The following GSG1L variants were observed in gnomAD, a reference collection of about 807,000 sequenced individuals.
The protein encoded by GSG1L is germ cell-specific gene 1-like protein.
In GSG1L, 24 loss-of-function variants were observed where a neutral mutation model predicts 42.1. The ratio of observed to expected loss-of-function variants is 0.57; its 90% CI spans 0.41 to 0.80. The LOEUF is 0.80. GSG1L is among the 30% of genes least tolerant of loss of function. The probability of loss-of-function intolerance (pLI) is 0.00; values close to 1 mark genes in which losing one functional copy is unlikely to be tolerated. For missense variants in GSG1L, 445 were observed against 472.2 expected (o/e 0.94, Z 0.53); for synonymous variants, 215 against 203.5 (o/e 1.06, Z -0.48).
chr16:27,888,838 G>A (rs1413744599), intron 2 of GSG1L, among the ~76,000 whole-genome samples: 3 of 151,472 alleles, frequency 2.0e-5, no homozygotes, highest in East Asian at 1.9e-4. Flanking sequence ...GGCTTGTCTC[G>A]AACTCCTGAC....
intron 1 of GSG1L, among the ~76,000 whole-genome samples, chr16:27,964,844 T>A (rs908169901): frequency 6.6e-6 from 1 of 152,028 alleles, no homozygotes; most frequent in South Asian, 2.1e-4. Context: ...TTAGAAAGAA[T>A]GAATAAGACC....
chr16:27,856,208 A>G (rs1163013159), intron 3 of GSG1L, among the ~76,000 whole-genome samples: 2 of 152,280 alleles, frequency 1.3e-5, no homozygotes, highest in Admixed American at 6.5e-5. Context: ...AAATGTTTCC[A>G]AACATTGGCC....
At chr16:27,885,963 A>C (rs1222659030) in intron 2 of GSG1L, among the ~76,000 whole-genome samples, 4 of 152,172 alleles carry the variant, frequency 2.6e-5, no homozygotes, top group Non-Finnish European at 5.9e-5. Context: ...TATTATAATG[A>C]TTCCTGCATG....
chr16:27,797,305 T>C (rs12448720), intron 6 of GSG1L, among the ~76,000 whole-genome samples: 26,394 of 151,056 alleles, frequency 0.17, 2,290 homozygotes, highest in African/African-American at 0.23. Context: ...GGTGGATTAC[T>C]TGAGGTCAGG....
rs183745843 is a variant in GSG1L at position 28,029,903 on chromosome 16, G to A, written c.349+33173C>T. ...GTGTGCATGCACGCACATGTGGGCC[G>A]TGTGTGTTCACGCACGCACATGTGG... On this transcript the variant is annotated intron_variant, in intron 1 of 6. Coordinates refer to ENST00000447459, the MANE Select transcript of GSG1L (RefSeq NM_001109763.2). Among the ~76,000 whole-genome samples the A allele has an allele frequency of 9.9e-5, 15 of 152,232 alleles. No homozygotes were observed. In the East Asian group the frequency reaches 1.4e-3, roughly 14 times the overall value.
chr16:27,956,954 T>G lies in GSG1L; in HGVS notation c.397+6202A>C, dbSNP rs1234935116. Among the ~76,000 whole-genome samples the G allele has an allele frequency of 2.0e-5, 3 of 152,240 alleles. No individual in the cohort carries two copies. In the East Asian group the frequency reaches 5.8e-4, roughly 29 times the overall value. On this transcript the variant is annotated intron_variant, in intron 2 of 6. Transcript: ENST00000447459. Reference sequence around the variant, plus strand: ...TCACAGTTATTTGGTAGGAGACTCTTGCCCTAGTGAATAAATGACTGAGGT... The same window carrying G: ...TCACAGTTATTTGGTAGGAGACTCTGGCCCTAGTGAATAAATGACTGAGGT...
chr16:28,031,238 GATGGGGTGGGATAAGATGGA>G, intron 1 of GSG1L, among the ~76,000 whole-genome samples: 1 of 131,308 alleles, frequency 7.6e-6, no homozygotes, highest in Admixed American at 7.5e-5. Context: ...GATGGGATGG[GATGGGGTGGGATAAGATGGA>G]ATGGGATGGG....
intron 2 of GSG1L, among the ~76,000 whole-genome samples, chr16:27,893,194 T>C (rs767916917): frequency 8.5e-5 from 13 of 152,232 alleles, no homozygotes; most frequent in Non-Finnish European, 1.8e-4. Context: ...AGTTGACAAC[T>C]GATCCTGTTA....
intron 4 of GSG1L, among the ~76,000 whole-genome samples, chr16:27,830,584 A>T (rs1238430018): frequency 2.6e-5 from 4 of 152,142 alleles, no homozygotes; most frequent in Non-Finnish European, 5.9e-5. Flanking sequence ...AGAAGCCCTG[A>T]CTGTCTGTAA....
At chr16:27,994,150 G>C (rs1030402257) in intron 1 of GSG1L, among the ~76,000 whole-genome samples, 2 of 152,152 alleles carry the variant, frequency 1.3e-5, no homozygotes, top group Non-Finnish European at 2.9e-5. Context: ...CCACAGGAGA[G>C]GCTGCTACAA....
chr16:27,868,103 G>A (rs2083755350), intron 3 of GSG1L, among the ~76,000 whole-genome samples: 1 of 152,304 alleles, frequency 6.6e-6, no homozygotes, highest in Admixed American at 6.5e-5. Context: ...CTGTGCCTGG[G>A]GCCAGGCTCA....
intron 3 of GSG1L, among the ~76,000 whole-genome samples, chr16:27,854,093 G>A (rs879437656): frequency 1.3e-5 from 2 of 151,714 alleles, no homozygotes; most frequent in Non-Finnish European, 2.9e-5. Context: ...AGAAGAATAC[G>A]CTATCAAGAG....
chr16:27,839,888 A>G (rs1420769912), intron 4 of GSG1L, among the ~76,000 whole-genome samples: 2 of 152,238 alleles, frequency 1.3e-5, no homozygotes, highest in Non-Finnish European at 2.9e-5. Context: ...TCCAAGGCTA[A>G]TTGTGTGGCT....
intron 1 of GSG1L, among the ~76,000 whole-genome samples, chr16:28,050,848 T>A (rs2086215041): frequency 6.6e-6 from 1 of 152,176 alleles, no homozygotes; most frequent in South Asian, 2.1e-4. Context: ...CTGTTCTCAT[T>A]GTCTGTCCCC....
intron 1 of GSG1L, among the ~76,000 whole-genome samples, chr16:28,012,582 T>C (rs1337564591): frequency 1.4e-5 from 1 of 70,588 alleles, no homozygotes. Flanking sequence ...TGAAATTTTA[T>C]ACAAAAAAAA....
intron 2 of GSG1L, among the ~76,000 whole-genome samples, chr16:27,952,808 A>G (rs1567532970): frequency 6.6e-6 from 1 of 152,244 alleles, no homozygotes; most frequent in African/African-American, 2.4e-5. Flanking sequence ...AGAAAACTGC[A>G]TATATCCTAA....
chr16:27,870,071 C>T (rs2083796428), intron 3 of GSG1L, among the ~76,000 whole-genome samples: 1 of 149,668 alleles, frequency 6.7e-6, no homozygotes. Context: ...CTCTCTCCAT[C>T]TCTCTTTCCT....
chr16:27,867,131 G>A lies in GSG1L; in HGVS notation c.550+17355C>T, dbSNP rs566433954. 3.3e-5 allele frequency among the ~76,000 whole-genome samples: 5 copies of A among 152,254 alleles called. No individual in the cohort carries two copies. The South Asian group carries it at 1.0e-3, about 32-fold the overall frequency. On this transcript the variant is annotated intron_variant, in intron 3 of 6. Coordinates refer to ENST00000447459, the MANE Select transcript of GSG1L (RefSeq NM_001109763.2). ...GATGTCTGTGGTACTAGGGATACAG[G>A]GATCACCCAGATAGACCAAGTCCTG...
At chr16:27,999,822 A>T (rs1332190383) in intron 1 of GSG1L, among the ~76,000 whole-genome samples, 2 of 152,218 alleles carry the variant, frequency 1.3e-5, no homozygotes, top group Non-Finnish European at 2.9e-5. Context: ...GTGTAGCTGC[A>T]CCACAGATGA....
Sources: allele counts gnomAD v4.1 joint callset (sites outside exome capture counted in the v4.1 genomes callset), GRCh38; gene constraint gnomAD v4.1.1; transcripts MANE v1.5; gene names NCBI Gene and HGNC (gene_info 2026-07-23, HGNC 2026-07-21).